The following CDK2 variants were observed in gnomAD, a reference collection of about 807,000 sequenced individuals.
CDK2 encodes cyclin dependent kinase 2.
In CDK2, 8 loss-of-function variants were observed where a neutral mutation model predicts 35.0. The observed-to-expected ratio is 0.23, with a 90% CI of 0.13 to 0.41. The LOEUF (loss-of-function observed/expected upper bound fraction) is 0.41. Among genes scored for constraint, CDK2 ranks in the 10% least tolerant of loss-of-function variants. The probability of loss-of-function intolerance (pLI) is 1.00; values close to 1 mark genes in which losing one functional copy is unlikely to be tolerated. For missense variants in CDK2, 201 were observed against 367.1 expected (o/e 0.55, Z 3.70); for synonymous variants, 134 against 137.7 (o/e 0.97, Z 0.19).
chr12:55,968,710 G>A, intron 3 of CDK2, 68 bp from the exon 4 acceptor site: 2 of 1,235,044 alleles, frequency 1.6e-6, no homozygotes, highest in South Asian at 3.4e-5. Flanking sequence ...AGAGTTTTAG[G>A]GGCACAGAGC....
In CDK2 at chr12:55,971,175, C is replaced by T. The variant is rs200735531; in HGVS notation, c.720C>T (p.Phe240=). Residue 240 remains phenylalanine (F), a synonymous_variant, in exon 6 of 7, where the codon TTC becomes TTT. Coordinates refer to ENST00000266970, the MANE Select transcript of CDK2 (RefSeq NM_001798.5). ...VTSMPDYKPS[F]PKWARQDFSK... is the part of the protein sequence containing the mutation. ...CTATGCCTGATTACAAGCCAAGTTT[C>T]CCCAAGTGGGCCCGGCAAGATTTTA... 1.7e-4 allele frequency: 268 copies of T among 1,614,138 alleles called. 1 individual carries two copies. The Middle Eastern group carries it at 3.0e-3, about 18-fold the overall frequency.
At chr12:55,967,334 A>T in intron 1 of CDK2, 1 of 552,170 alleles carries the variant, frequency 1.8e-6, no homozygotes, top group Non-Finnish European at 3.2e-6. Flanking sequence ...TCCATGGAAA[A>T]CTTTCTTCCC....
In CDK2 at chr12:55,968,786, G is replaced by T; in HGVS notation, c.324G>T (p.Leu108=). ...TCTTTCTCCTTTGTCAGAGCTATCT[G>T]TTCCAGCTGCTCCAGGGCCTAGCTT... ...GIPLPLIKSY[L]FQLLQGLAFC... Residue 108 remains leucine, a synonymous_variant, in exon 4 of 7, where the codon CTG becomes CTT. Transcript: ENST00000266970. The T allele has an allele frequency of 6.3e-7, 1 of 1,597,830 alleles. No individual in the cohort carries two copies.
chr12:55,967,206 C>T, intron 1 of CDK2, 82 bp downstream of exon 1: 1 of 1,023,216 alleles, frequency 9.8e-7, no homozygotes, highest in African/African-American at 1.6e-5. Context: ...GGGTAGCCGT[C>T]CAGGGACCGG....
intron 3 of CDK2, 25 bp downstream of exon 3, chr12:55,968,194 C>T: frequency 6.2e-7 from 1 of 1,612,606 alleles, no homozygotes; most frequent in East Asian, 2.2e-5. Flanking sequence ...CAGCTCCTCT[C>T]ATCATGGGCA....
At chr12:55,969,730 A>C in intron 5 of CDK2, 154 bp downstream of exon 5, 1 of 475,118 alleles carries the variant, frequency 2.1e-6, no homozygotes, top group Non-Finnish European at 3.8e-6. Context: ...AAAGGATGCA[A>C]CTGTTGCCCT....
chr12:55,970,457 T>G, intron 5 of CDK2: 1 of 597,782 alleles, frequency 1.7e-6, no homozygotes, highest in South Asian at 2.0e-5. Context: ...AGCAATATGT[T>G]TTATTGTCTT....
In CDK2 at chr12:55,968,888, G is replaced by C; in HGVS notation, c.426G>C (p.Lys142Asn). The change falls in exon 4 of 7, where the codon AAG becomes AAC. Residue 142 changes from lysine (K) to asparagine (N), a missense_variant. By Grantham distance (94) the Lys-to-Asn change is moderately conservative (BLOSUM62 0). This residue lies in a region of CDK2 where 47 missense variants were observed against 59.5 expected (regional missense o/e 0.79). Transcript: ENST00000266970. ...TTATTAACACAGAGGGGGCCATCAA[G>C]CTAGCAGACTTTGGACTAGCCAGAG... Reference protein sequence around the residue: ...NLLINTEGAIKLADFGLARAF... With the variant: ...NLLINTEGAINLADFGLARAF... 6.2e-7 allele frequency: 1 copy of C among 1,611,144 alleles called. No individual in the cohort carries two copies. Among genetic ancestry groups the C allele is most frequent in the Non-Finnish European group, 8.5e-7 (1 of 1,178,788 alleles).
At chr12:55,968,304 T>C (rs1889388763) in intron 3 of CDK2, 135 bp downstream of exon 3, 1 of 832,872 alleles carries the variant, frequency 1.2e-6, no homozygotes, top group African/African-American at 1.7e-5. Context: ...CCCCTTCTTT[T>C]TGTGTCTCCT....
chr12:55,968,722 A>G, intron 3 of CDK2, 56 bp from the exon 4 acceptor site: 1 of 1,409,112 alleles, frequency 7.1e-7, no homozygotes, highest in Admixed American at 2.3e-5. Context: ...GCACAGAGCA[A>G]ACCCAGTCTG....
In CDK2 at chr12:55,972,014, A is replaced by C; in HGVS notation, c.*389A>C. On this transcript the variant is annotated 3_prime_UTR_variant, in exon 7 of 7. Coordinates refer to ENST00000266970, the MANE Select transcript of CDK2 (RefSeq NM_001798.5). ...AGGATCCCAAGCCTCCTGCTGCCAC[A>C]ATGTTTATAAAGGCCAAATGATAGC... The C allele has an allele frequency of 5.4e-6, 1 of 183,742 alleles. No individual in the cohort carries two copies. Among genetic ancestry groups the C allele is most frequent in the Non-Finnish European group, 1.1e-5 (1 of 88,290 alleles). 11.4% of individuals were successfully genotyped at this position (183,742 alleles called of 1,614,324 possible).
intron 3 of CDK2, 35 bp downstream of exon 3, chr12:55,968,204 A>C: frequency 6.2e-7 from 1 of 1,610,802 alleles, no homozygotes; most frequent in Non-Finnish European, 8.5e-7. Context: ...CATCATGGGC[A>C]TGTCTTGGGG....
At chr12:55,968,752 A>G (rs376207715) in intron 3 of CDK2, 26 bp from the exon 4 acceptor site, 6 of 1,563,606 alleles carry the variant, frequency 3.8e-6, no homozygotes, top group African/African-American at 1.4e-5. Context: ...ATGGAGAAAC[A>G]CAGTCCTCTC....
In CDK2 at chr12:55,968,832, C is replaced by T; in HGVS notation, c.370C>T (p.Leu124Phe). The T allele has an allele frequency of 6.2e-7, 1 of 1,609,510 alleles. No individual in the cohort carries two copies. Among genetic ancestry groups the T allele is most frequent in the Non-Finnish European group, 8.5e-7 (1 of 1,178,042 alleles). ...GLAFCHSHRV[L>F]HRDLKPQNLL... ...AGCTTTCTGCCATTCTCATCGGGTC[C>T]TCCACCGAGACCTTAAACCTCAGAA... Residue 124 changes from leucine to phenylalanine, a missense_variant, in exon 4 of 7, where the codon CTC (leucine) becomes TTC (phenylalanine). By Grantham distance (22) the Leu-to-Phe change is conservative. Transcript: ENST00000266970.
At chr12:55,969,106 G>A (rs775543069) in intron 4 of CDK2, among the ~76,000 whole-genome samples, 158 bp downstream of exon 4, 4 of 152,134 alleles carry the variant, frequency 2.6e-5, no homozygotes, top group African/African-American at 4.8e-5. Context: ...AATTCATACT[G>A]TGTTGCTAAC....
At chr12:55,970,763 T>C (rs968109787) in intron 5 of CDK2, 1 of 700,296 alleles carries the variant, frequency 1.4e-6, no homozygotes, top group East Asian at 2.7e-5. Context: ...GGGATACCTT[T>C]GCTACATGTC....
At chr12:55,971,447 G>A (rs1889471532) in intron 6 of CDK2, 74 bp from the exon 7 acceptor site, 1 of 1,263,722 alleles carries the variant, frequency 7.9e-7, no homozygotes, top group Non-Finnish European at 1.2e-6. Flanking sequence ...CTGGTTTCCT[G>A]ATTTCTGGGA....
At chr12:55,969,754 G>T in intron 5 of CDK2, 178 bp downstream of exon 5, 3 of 435,406 alleles carry the variant, frequency 6.9e-6, no homozygotes, top group Non-Finnish European at 1.2e-5. Context: ...ATCAACCACA[G>T]TGTTAGGATA....
At chr12:55,971,463 T>C (rs1889471860) in intron 6 of CDK2, 58 bp from the exon 7 acceptor site, 6 of 1,339,316 alleles carry the variant, frequency 4.5e-6, no homozygotes, top group Non-Finnish European at 6.5e-6. Context: ...TGGGAACACC[T>C]GCTGCCCATT....
Sources: allele counts gnomAD v4.1 joint callset (sites outside exome capture counted in the v4.1 genomes callset), GRCh38; gene constraint gnomAD v4.1.1; regional missense constraint gnomAD v4.1.1; transcripts MANE v1.5; gene names NCBI Gene and HGNC (gene_info 2026-07-23, HGNC 2026-07-21).